Variants in GAS2L3 observed in about 807,000 individuals in gnomAD.
GAS2L3 encodes growth arrest specific 2 like 3, also known as GAS2-like protein 3.
In GAS2L3, 28 loss-of-function variants were observed where a neutral mutation model predicts 37.0. The observed-to-expected ratio is 0.76, with a 90% CI of 0.56 to 1.04. GAS2L3 has a LOEUF of 1.04. Among genes scored for constraint, GAS2L3 ranks in the 50% least tolerant of loss-of-function variants. GAS2L3 has a pLI of 0.00. For missense variants in GAS2L3, 793 were observed against 817.6 expected (o/e 0.97, Z 0.37); for synonymous variants, 290 against 296.6 (o/e 0.98, Z 0.23).
intron 5 of GAS2L3, among the ~76,000 whole-genome samples, chr12:100,605,484 A>AT (rs1422328394): frequency 6.6e-6 from 1 of 151,492 alleles, no homozygotes; most frequent in Non-Finnish European, 1.5e-5. Context: ...TGTCATTTCA[A>AT]TTTTATTTAT....
Position 100,612,131 on chromosome 12 carries a change from T to C in GAS2L3, c.435T>C (p.Ser145=). Residue 145 remains serine (S), a synonymous_variant, in exon 6 of 10, where the codon TCT becomes TCC. Transcript: ENST00000547754. ...TTGATGAAACTTACCTCTTTGAATC[T>C]GAAGGTTTAGGTAAGTGATGTTCTT... ...IGVDETYLFE[S]EGLVLHKDPR... 1 of 1,613,324 alleles carries C rather than the reference T, an allele frequency of 6.2e-7. No individual in the cohort carries two copies. Among genetic ancestry groups the C allele is most frequent in the South Asian group, 1.1e-5 (1 of 91,014 alleles).
In GAS2L3 at chr12:100,607,961, T is replaced by C. The variant is rs146854510; in HGVS notation, c.304-4039T>C. ...GTCGTGTTTTCCTGGATGGTCTTGA[T>C]GCTTGTAAATGTTCCAGTGTCTAGG... On this transcript the variant is annotated intron_variant, in intron 5 of 9. Transcript: ENST00000547754. 3.5e-3 allele frequency among the ~76,000 whole-genome samples: 540 copies of C among 152,270 alleles called. 1 individual carries two copies. The highest frequency in any genetic ancestry group is 0.012 in the African/African-American group (499 of 41,556).
intron 1 of GAS2L3, among the ~76,000 whole-genome samples, chr12:100,582,851 T>C (rs932673046): frequency 3.3e-5 from 5 of 152,138 alleles, no homozygotes; most frequent in Admixed American, 3.3e-4. Flanking sequence ...GGAGAGTTCT[T>C]TTCCTTTCCC....
chr12:100,600,644 T>C (rs777140387), intron 4 of GAS2L3, 94 bp downstream of exon 4: 3 of 982,288 alleles, frequency 3.1e-6, no homozygotes, highest in Non-Finnish European at 4.7e-6. Flanking sequence ...TTGTTACAGA[T>C]GCTGGGGATA....
At chr12:100,579,714 G>T in intron 1 of GAS2L3, 1 of 766,268 alleles carries the variant, frequency 1.3e-6, no homozygotes, top group Non-Finnish European at 2.4e-6. Flanking sequence ...AGCCAGCTGT[G>T]GTTTACAGGT....
intron 5 of GAS2L3, among the ~76,000 whole-genome samples, chr12:100,609,027 C>A (rs1290124524): frequency 1.3e-5 from 2 of 152,192 alleles, no homozygotes; most frequent in Non-Finnish European, 2.9e-5. Context: ...GTGGTGAATG[C>A]TGCCAGGCCT....
chr12:100,611,883 A>T lies in GAS2L3; in HGVS notation c.304-117A>T, dbSNP rs1956130886. 1.7e-5 allele frequency: 12 copies of T among 709,534 alleles called. No individual in the cohort carries two copies. The South Asian group carries it at 2.2e-4, about 13-fold the overall frequency. 44.0% of individuals were successfully genotyped at this position (709,534 alleles called of 1,614,324 possible). A position where few individuals can be genotyped will look rare whatever the true frequency, so the allele number is the denominator to read the frequency against. ...TTCAAAACTATCTTTTTTCTCTAAA[A>T]TTGTGTACTTTTTGGTTACAGGTGA... is the stretch of plus-strand genomic sequence containing the variant. On this transcript the variant is annotated intron_variant, in intron 5 of 9. Coordinates refer to ENST00000547754, the MANE Select transcript of GAS2L3 (RefSeq NM_174942.3).
chr12:100,611,465 A>G (rs1248287714), intron 5 of GAS2L3, among the ~76,000 whole-genome samples: 1 of 152,042 alleles, frequency 6.6e-6, no homozygotes, highest in Admixed American at 6.6e-5. Context: ...TGACCAAATC[A>G]TTTTTCTAGG....
chr12:100,614,590 G>A (rs1394626715), intron 6 of GAS2L3, among the ~76,000 whole-genome samples: 1 of 152,140 alleles, frequency 6.6e-6, no homozygotes, highest in Non-Finnish European at 1.5e-5. Flanking sequence ...ACATTTCAGT[G>A]GTTTTTAGTA....
chr12:100,601,211 A>C (rs1381142855), intron 4 of GAS2L3, among the ~76,000 whole-genome samples: 4 of 152,160 alleles, frequency 2.6e-5, no homozygotes, highest in Non-Finnish European at 5.9e-5. Context: ...GATGGATAAT[A>C]TTTAGAGTTT....
chr12:100,612,045 G>A lies in GAS2L3; in HGVS notation c.349G>A (p.Gly117Ser). The A allele has an allele frequency of 1.2e-6, 2 of 1,611,812 alleles. No individual in the cohort carries two copies. The highest frequency in any genetic ancestry group is 1.1e-5 in the South Asian group (1 of 91,026). Residue 117 changes from glycine to serine, a missense_variant, in exon 6 of 10, where the codon GGT becomes AGT. Physicochemically the swap from Gly to Ser is moderately conservative, Grantham distance 56. Coordinates refer to ENST00000547754, the MANE Select transcript of GAS2L3 (RefSeq NM_174942.3). Reference sequence around the variant, plus strand: ...GCCCTGTAAGAAAGATGCTGCATCAGGTTCATTCTTTGCTCGGGACAATAC... The same window carrying A: ...GCCCTGTAAGAAAGATGCTGCATCAAGTTCATTCTTTGCTCGGGACAATAC... ...KVPCKKDAAS[G>S]SFFARDNTAN... is the part of the protein sequence containing the mutation.
At chr12:100,574,299 C>T (rs1463272787) in intron 1 of GAS2L3, among the ~76,000 whole-genome samples, 1 of 152,154 alleles carries the variant, frequency 6.6e-6, no homozygotes, top group African/African-American at 2.4e-5. Flanking sequence ...GACAGTTATT[C>T]TTGCCCTCTA....
Position 100,601,544 on chromosome 12 carries a change from T to C in GAS2L3, c.188-94T>C, listed in dbSNP as rs1027728670. On this transcript the variant is annotated intron_variant, in intron 4 of 9. Coordinates refer to ENST00000547754, the MANE Select transcript of GAS2L3 (RefSeq NM_174942.3). Reference sequence around the variant, plus strand: ...TTTAGAGTCTGATCTGATATTTTTCTAGTGTTTTGCTGTAATCTGATTCTA... The same window carrying C: ...TTTAGAGTCTGATCTGATATTTTTCCAGTGTTTTGCTGTAATCTGATTCTA... 19 of 683,842 alleles carry C rather than the reference T, an allele frequency of 2.8e-5. No homozygotes were observed. The Admixed American group carries it at 4.3e-4, about 15-fold the overall frequency. The allele number at this position is 683,842 out of a possible 1,614,324, so 42.4% of individuals were successfully genotyped here.
At chr12:100,621,871 G>A (rs1255900956) in intron 8 of GAS2L3, among the ~76,000 whole-genome samples, 2 of 137,308 alleles carry the variant, frequency 1.5e-5, no homozygotes, top group Non-Finnish European at 3.1e-5. Context: ...TGGGGAGGGA[G>A]GGTGGGGGGG....
Position 100,623,466 on chromosome 12 carries a change from A to G in GAS2L3, c.757-96A>G, listed in dbSNP as rs750077528. The G allele has an allele frequency of 2.2e-5, 25 of 1,113,754 alleles. No individual in the cohort carries two copies. In the South Asian group the frequency reaches 4.9e-4, roughly 22 times the overall value. 69.0% of individuals were successfully genotyped at this position (1,113,754 alleles called of 1,614,324 possible). On this transcript the variant is annotated intron_variant, in intron 9 of 9. Coordinates refer to ENST00000547754, the MANE Select transcript of GAS2L3 (RefSeq NM_174942.3). Reference sequence around the variant, plus strand: ...GCTGTTGGCAAATGCTCTGAATTTTATAGATCACAGACATCACATATTGTA... The same window carrying G: ...GCTGTTGGCAAATGCTCTGAATTTTGTAGATCACAGACATCACATATTGTA...
At chr12:100,619,649 T>TAA (rs1225970659) in intron 8 of GAS2L3, among the ~76,000 whole-genome samples, 2 of 151,992 alleles carry the variant, frequency 1.3e-5, no homozygotes, top group African/African-American at 4.8e-5. Context: ...TATATATATA[T>TAA]AATGATTGTC....
In GAS2L3 at chr12:100,624,532, A is replaced by G. The variant is rs1196088042; in HGVS notation, c.1727A>G (p.Gln576Arg). 7.4e-6 allele frequency: 12 copies of G among 1,614,136 alleles called. No individual in the cohort carries two copies. Among genetic ancestry groups the G allele is most frequent in the Non-Finnish European group, 1.0e-5 (12 of 1,180,034 alleles). ...TCAGTTTCTCCTGTAAAAGCCACACAGAAATCAAAAGATAAGAATATAGTT... is the reference window on the plus strand; with the variant it reads ...TCAGTTTCTCCTGTAAAAGCCACACGGAAATCAAAAGATAAGAATATAGTT... ...VSSVSPVKAT[Q>R]KSKDKNIVSA... Residue 576 changes from glutamine (Q) to arginine (R), a missense_variant, in exon 10 of 10, where the codon CAG becomes CGG. By Grantham distance (43) the Gln-to-Arg change is conservative. Coordinates refer to ENST00000547754, the MANE Select transcript of GAS2L3 (RefSeq NM_174942.3).
At chr12:100,586,899 A>G (rs1304230489) in intron 1 of GAS2L3, among the ~76,000 whole-genome samples, 1 of 152,204 alleles carries the variant, frequency 6.6e-6, no homozygotes, top group African/African-American at 2.4e-5. Flanking sequence ...GAGATATTAC[A>G]ACTGACAACA....
Position 100,624,702 on chromosome 12 carries a change from C to A in GAS2L3, c.1897C>A (p.Gln633Lys). 6.2e-7 allele frequency: 1 copy of A among 1,614,100 alleles called. No homozygotes were observed. The part of the protein sequence containing the change: ...TKTQTAPKSA[Q>K]TVAKSQHSTK... ...AACACAAACTGCACCGAAGTCAGCA[C>A]AGACTGTCGCTAAGAGCCAGCATTC... The change falls in exon 10 of 10, where the codon CAG becomes AAG. Residue 633 changes from glutamine (Q) to lysine (K), a missense_variant. Gln to Lys is a moderately conservative substitution (Grantham distance 53). Coordinates refer to ENST00000547754, the MANE Select transcript of GAS2L3 (RefSeq NM_174942.3).
Sources: gnomAD v4.1 joint callset for allele counts (sites outside exome capture counted in the v4.1 genomes callset) on GRCh38, gnomAD v4.1.1 for gene constraint, MANE v1.5 for transcripts, NCBI Gene and HGNC (gene_info 2026-07-23, HGNC 2026-07-21) for gene names.